RCOR3: variants seen among roughly 807,000 people sequenced by gnomAD.
The protein encoded by RCOR3 is REST corepressor 3.
Under a neutral mutation model 64.1 loss-of-function variants are expected in RCOR3, and 13 were observed. The observed-to-expected ratio is 0.20, with a 90% CI of 0.13 to 0.32. The LOEUF is 0.32. RCOR3 is among the 10% of genes least tolerant of loss of function. RCOR3 has a pLI of 1.00. For synonymous variants in RCOR3, 215 were observed against 239.0 expected (o/e 0.90, Z 0.93); for missense variants, 489 against 701.2 (o/e 0.70, Z 3.42).
At chr1:211,305,763 A>G (rs980005729) in intron 10 of RCOR3, among the ~76,000 whole-genome samples, 20 of 152,160 alleles carry the variant, frequency 1.3e-4, no homozygotes, top group African/African-American at 4.8e-4. Context: ...GCTGGGTTGG[A>G]TATTACCCAA....
At chr1:211,277,904 C>A (rs1419112240) in intron 5 of RCOR3, among the ~76,000 whole-genome samples, 1 of 152,132 alleles carries the variant, frequency 6.6e-6, no homozygotes, top group Non-Finnish European at 1.5e-5. Context: ...CTCTTCCCCT[C>A]CTCTCCCAGA....
In RCOR3 at chr1:211,304,104, C is replaced by A; in HGVS notation, c.1039C>A (p.Arg347Ser). Residue 347 changes from arginine to serine, a missense_variant, in exon 10 of 12, where the codon CGT (arginine) becomes AGT (serine). Arg to Ser is a moderately radical substitution (Grantham distance 110, BLOSUM62 -1). Transcript: ENST00000419091. ...PPESNQKINA[R>S]WTTEEQLLAV... ...GTAGTCAAATCAGAAAATTAATGCC[C>A]GTTGGACCACAGAGGAGCAGCTTCT... 1 of 1,604,646 alleles carries A rather than the reference C, an allele frequency of 6.2e-7. No individual in the cohort carries two copies. Among genetic ancestry groups the A allele is most frequent in the Non-Finnish European group, 8.5e-7 (1 of 1,176,316 alleles).
At chr1:211,286,972 CAG>C (rs1571907035) in intron 7 of RCOR3, among the ~76,000 whole-genome samples, 1 of 152,156 alleles carries the variant, frequency 6.6e-6, no homozygotes, top group African/African-American at 2.4e-5. Flanking sequence ...TGGTCATAAA[CAG>C]ATTTTTTGAG....
rs1701815814 is a variant in RCOR3, at chr1:211,315,420, C to G, written c.*1652C>G. ...ACCCTACGTACTGGCATATTTGAAA[C>G]TCTTTTTCCAGGTTAGGTCCTTTTC... On this transcript the variant is annotated 3_prime_UTR_variant, in exon 12 of 12. Coordinates refer to ENST00000419091, the MANE Select transcript of RCOR3 (RefSeq NM_001136223.3). 1 of 152,160 alleles carries G rather than the reference C, an allele frequency of 6.6e-6. No homozygotes were observed. Among genetic ancestry groups the G allele is most frequent in the Non-Finnish European group, 1.5e-5 (1 of 68,008 alleles). 9.4% of individuals were successfully genotyped at this position (152,160 alleles called of 1,614,324 possible).
chr1:211,271,438 A>T (rs1004706734), intron 3 of RCOR3, 129 bp downstream of exon 3: 2 of 708,648 alleles, frequency 2.8e-6, no homozygotes, highest in Non-Finnish European at 4.8e-6. Context: ...TTTATTTTTT[A>T]TTTTTTTATT....
rs753844980 is a variant in RCOR3 at position 211,313,703 on chromosome 1, G to T, written c.1597G>T (p.Val533Phe). 1.2e-6 allele frequency: 2 copies of T among 1,614,190 alleles called. No homozygotes were observed. Residue 533 changes from valine to phenylalanine, a missense_variant, in exon 12 of 12, where the codon GTT becomes TTT. Physicochemically the swap from Val to Phe is conservative, Grantham distance 50 (BLOSUM62 -1). This residue lies in a region of RCOR3 where 402 missense variants were observed against 617.0 expected (regional missense o/e 0.65). Coordinates refer to ENST00000419091, the MANE Select transcript of RCOR3 (RefSeq NM_001136223.3). This position sits in a 1 kb window ranked among gnomAD's most constrained non-coding sequence, Gnocchi z 4.7. ...RLNPRPVLST[V>F]GGQQPPSLIG... ...AAACCCAAGACCGGTGTTGTCCACG[G>T]TTGGTGGTCAACAGCCACCATCACT... is the stretch of plus-strand genomic sequence containing the variant.
chr1:211,261,367 C>T (rs1694245302), intron 2 of RCOR3, among the ~76,000 whole-genome samples: 1 of 152,054 alleles, frequency 6.6e-6, no homozygotes, highest in Admixed American at 6.5e-5. Flanking sequence ...AGTAATGAGT[C>T]GGGACAGTCT....
At chr1:211,267,820 G>A (rs1309318654) in intron 2 of RCOR3, 6 of 356,618 alleles carry the variant, frequency 1.7e-5, no homozygotes, top group Admixed American at 3.8e-5. Context: ...CTCAAACTCC[G>A]GGGCTCAAGC....
intron 7 of RCOR3, among the ~76,000 whole-genome samples, chr1:211,282,942 CTTTAT>C (rs1698022433): frequency 6.6e-6 from 1 of 152,092 alleles, no homozygotes; most frequent in Non-Finnish European, 1.5e-5. Flanking sequence ...TTATTTCATA[CTTTAT>C]TTAATTGGAA....
rs577415248 is a variant in RCOR3, at chr1:211,306,367, T to A, written c.1075+2227T>A. Among the ~76,000 whole-genome samples the A allele has an allele frequency of 2.4e-4, 36 of 149,776 alleles. No homozygotes were observed. The South Asian group carries it at 3.6e-3, about 15-fold the overall frequency. ...CAATTGTTTTTGTTTTTTCTTTTTT[T>A]AAAAAAAAAAGTATGGTAAACCTTC... On this transcript the variant is annotated intron_variant, in intron 10 of 11. Transcript: ENST00000419091.
chr1:211,301,187 CA>C (rs1700345923), intron 9 of RCOR3, among the ~76,000 whole-genome samples: 5 of 152,110 alleles, frequency 3.3e-5, no homozygotes, highest in Admixed American at 3.3e-4. Context: ...CCAGAGTCTT[CA>C]AAATTGTGTT....
intron 3 of RCOR3, among the ~76,000 whole-genome samples, chr1:211,273,523 T>C (rs1696532587): frequency 1.3e-5 from 2 of 152,380 alleles, no homozygotes; most frequent in Non-Finnish European, 2.9e-5. Flanking sequence ...GGAGTTCACA[T>C]AAAACTGAGT....
At position 211,278,251 on chromosome 1, in the gene RCOR3, T is replaced by C; in HGVS notation, c.641+10T>C. The C allele has an allele frequency of 6.2e-7, 1 of 1,613,518 alleles. No individual in the cohort carries two copies. The highest frequency in any genetic ancestry group is 8.5e-7 in the Non-Finnish European group (1 of 1,179,666). ...ATAATCAGGGTGACAGGTAGGTTGG[T>C]TACCTTCATATAGTTACATTGTTAG... On this transcript the variant is annotated intron_variant, in intron 6 of 11. Transcript: ENST00000419091.
chr1:211,283,702 T>C (rs868361618), intron 7 of RCOR3, among the ~76,000 whole-genome samples: 1 of 152,194 alleles, frequency 6.6e-6, no homozygotes, highest in Admixed American at 6.5e-5. Context: ...TAGTGTGCAG[T>C]TGTGTGATCA....
At chr1:211,307,907 G>A (rs1245753005) in intron 10 of RCOR3, among the ~76,000 whole-genome samples, 1 of 151,906 alleles carries the variant, frequency 6.6e-6, no homozygotes, top group Admixed American at 6.6e-5. Flanking sequence ...ACTATGTTCA[G>A]GTGGCTTATG....
chr1:211,308,432 G>C (rs572339363), intron 10 of RCOR3, among the ~76,000 whole-genome samples: 1 of 152,120 alleles, frequency 6.6e-6, no homozygotes, highest in South Asian at 2.1e-4. Flanking sequence ...CTCCCAAATG[G>C]CTTGAGTTTA....
At chr1:211,261,849 G>T (rs1183196316) in intron 2 of RCOR3, among the ~76,000 whole-genome samples, 1 of 146,660 alleles carries the variant, frequency 6.8e-6, no homozygotes, top group Non-Finnish European at 1.5e-5. Context: ...GCTTGAACCC[G>T]GGAGGCGGAG....
intron 2 of RCOR3, among the ~76,000 whole-genome samples, chr1:211,266,282 ATTTG>A (rs1177861758): frequency 2.6e-5 from 4 of 152,236 alleles, no homozygotes; most frequent in Non-Finnish European, 4.4e-5. Flanking sequence ...TATATAGTAT[ATTTG>A]TTCCATGATC....
intron 7 of RCOR3, among the ~76,000 whole-genome samples, chr1:211,281,001 A>AG (rs67607944): frequency 6.7e-6 from 1 of 148,268 alleles, no homozygotes; most frequent in Admixed American, 6.7e-5. Context: ...AAAAAAAAAA[A>AG]GGCATATGTC....
Sources: allele counts gnomAD v4.1 joint callset (sites outside exome capture counted in the v4.1 genomes callset), GRCh38; gene constraint gnomAD v4.1.1; regional missense constraint gnomAD v4.1.1; non-coding constraint Gnocchi (gnomAD v3.1); transcripts MANE v1.5; gene names NCBI Gene and HGNC (gene_info 2026-07-23, HGNC 2026-07-21).